The following TMEM131 variants were observed in gnomAD, a reference collection of about 807,000 sequenced individuals.
TMEM131 encodes the protein 2610524E03Rik.
Under a neutral mutation model 211.6 loss-of-function variants are expected in TMEM131, and 66 were observed. The ratio of observed to expected loss-of-function variants is 0.31; its 90% CI spans 0.26 to 0.38. The LOEUF is 0.38. Among genes scored for constraint, TMEM131 ranks in the 10% least tolerant of loss-of-function variants. The probability of loss-of-function intolerance (pLI) is 1.00; values close to 1 mark genes in which losing one functional copy is unlikely to be tolerated. For synonymous variants in TMEM131, 844 were observed against 841.3 expected, an observed-to-expected ratio of 1.00 and a Z score of -0.06; for missense variants, 2,036 against 2,299.3, an observed-to-expected ratio of 0.89 and a Z score of 2.34.
At chr2:97,919,201 A>G (rs1313135805) in intron 2 of TMEM131, among the ~76,000 whole-genome samples, 1 of 152,206 alleles carries the variant, frequency 6.6e-6, no homozygotes, top group Non-Finnish European at 1.5e-5. Flanking sequence ...TTATTGTTCT[A>G]CAAAGTATAC....
intron 31 of TMEM131, among the ~76,000 whole-genome samples, chr2:97,781,178 C>T (rs572814610): frequency 6.6e-6 from 1 of 152,340 alleles, no homozygotes; most frequent in East Asian, 1.9e-4. Flanking sequence ...ACAGCCTAAG[C>T]ACCTAAGGGC....
chr2:97,968,953 C>CG, intron 1 of TMEM131, among the ~76,000 whole-genome samples: 1 of 151,816 alleles, frequency 6.6e-6, no homozygotes, highest in African/African-American at 2.4e-5. Context: ...GGCCTGGAGG[C>CG]GCACCTCTAG....
intron 4 of TMEM131, among the ~76,000 whole-genome samples, chr2:97,884,922 G>A (rs1675079659): frequency 6.6e-6 from 1 of 152,148 alleles, no homozygotes; most frequent in African/African-American, 2.4e-5. Context: ...GTTATTGATA[G>A]GTAAAGACTT....
intron 11 of TMEM131, among the ~76,000 whole-genome samples, chr2:97,820,969 C>T (rs1338522302): frequency 6.6e-6 from 1 of 152,038 alleles, no homozygotes; most frequent in East Asian, 1.9e-4. Context: ...AAATGAGCCA[C>T]TTTATCTTGA....
chr2:97,892,136 A>G (rs1211879140), intron 3 of TMEM131, among the ~76,000 whole-genome samples: 1 of 152,186 alleles, frequency 6.6e-6, no homozygotes, highest in African/African-American at 2.4e-5. Flanking sequence ...AATGATGAAT[A>G]ATGTTGACCA....
At chr2:97,993,582 T>C (rs1233388932) in intron 1 of TMEM131, among the ~76,000 whole-genome samples, 1 of 152,206 alleles carries the variant, frequency 6.6e-6, no homozygotes, top group East Asian at 1.9e-4. Context: ...CATTAATATC[T>C]TGGATAACCG....
In TMEM131 at chr2:97,993,639, C is replaced by A. The variant is rs181271417; in HGVS notation, c.187+1837G>T. Among the ~76,000 whole-genome samples, 165 of 152,326 alleles carry A rather than the reference C, an allele frequency of 1.1e-3. 1 individual carries two copies. Among genetic ancestry groups the A allele is most frequent in the African/African-American group, 3.9e-3 (164 of 41,556 alleles). ...GAAAAGCATGGGCCACAAAGGATAT[C>A]TGATTCACCCAGGCCACTGGCTGAT... On this transcript the variant is annotated intron_variant, in intron 1 of 40. Coordinates refer to ENST00000186436, the MANE Select transcript of TMEM131 (RefSeq NM_015348.2).
At chr2:97,794,871 C>A (rs1000958941) in intron 29 of TMEM131, 59 bp downstream of exon 29, 6 of 1,389,424 alleles carry the variant, frequency 4.3e-6, no homozygotes, top group Non-Finnish European at 5.9e-6. Context: ...ACACAGTGGG[C>A]ACTCGATCAA....
intron 1 of TMEM131, among the ~76,000 whole-genome samples, chr2:97,972,931 A>G (rs1679370381): frequency 6.6e-6 from 1 of 152,216 alleles, no homozygotes; most frequent in African/African-American, 2.4e-5. Flanking sequence ...AAAGAAATAC[A>G]GTCCTACAAA....
In TMEM131 at chr2:97,840,898, C is replaced by T. The variant is rs141802322; in HGVS notation, c.723+917G>A. 7.9e-5 allele frequency among the ~76,000 whole-genome samples: 12 copies of T among 152,252 alleles called. No individual in the cohort carries two copies. In the East Asian group the frequency reaches 2.3e-3, roughly 30 times the overall value. ...TATCATTTCTAAGCATTTCACTATT[C>T]AGGCTCTGAACATTTCCCTGGTTCA... On this transcript the variant is annotated intron_variant, in intron 7 of 40. Transcript: ENST00000186436.
chr2:97,891,843 T>G (rs1017114531), intron 3 of TMEM131, among the ~76,000 whole-genome samples: 3 of 152,108 alleles, frequency 2.0e-5, no homozygotes, highest in African/African-American at 7.2e-5. Context: ...AGAATCTAAT[T>G]CCTTGTAAGC....
chr2:97,808,560 A>ATT (rs1326415395), intron 19 of TMEM131, among the ~76,000 whole-genome samples: 4 of 152,174 alleles, frequency 2.6e-5, no homozygotes, highest in Non-Finnish European at 5.9e-5. Context: ...TCTTTAGGAT[A>ATT]TAAGCACAGT....
rs1365436913 is a variant in TMEM131, at chr2:97,995,559, G to C, written c.104C>G (p.Pro35Arg). The C allele has an allele frequency of 3.0e-6, 4 of 1,320,660 alleles. No homozygotes were observed. Among genetic ancestry groups the C allele is most frequent in the Non-Finnish European group, 2.9e-6 (3 of 1,033,362 alleles). 81.8% of individuals were successfully genotyped at this position (1,320,660 alleles called of 1,614,324 possible). A position where few individuals can be genotyped will look rare whatever the true frequency, so the allele number is the denominator to read the frequency against. Residue 35 changes from proline to arginine, a missense_variant, in exon 1 of 41, where the codon CCG becomes CGG. Transcript: ENST00000186436. Reference protein sequence around the residue: ...LEPAAARSGGPRSAAAGLLGA... With the variant: ...LEPAAARSGGRRSAAAGLLGA... ...TAGGAGGCCGGCGGCCGCGCTCCGC[G>C]GGCCCCCGCTACGGGCGGCCGCAGG...
intron 26 of TMEM131, 56 bp downstream of exon 26, chr2:97,797,309 T>C: frequency 1.4e-6 from 2 of 1,453,060 alleles, no homozygotes; most frequent in African/African-American, 2.8e-5. Flanking sequence ...TTAAAACAAG[T>C]GAGGACTTCT....
intron 1 of TMEM131, among the ~76,000 whole-genome samples, chr2:97,943,447 A>AG (rs1179658761): frequency 6.6e-6 from 1 of 152,228 alleles, no homozygotes. Context: ...ACATATACAA[A>AG]GGATTATACA....
At chr2:97,771,800 TTTAA>T (rs1559348875) in intron 33 of TMEM131, among the ~76,000 whole-genome samples, 1 of 152,258 alleles carries the variant, frequency 6.6e-6, no homozygotes, top group East Asian at 1.9e-4. Context: ...ACTGGAGTTA[TTTAA>T]TGGTAGAACC....
intron 39 of TMEM131, 164 bp from the exon 40 acceptor site, chr2:97,759,217 C>T (rs1186751612): frequency 6.2e-6 from 5 of 802,342 alleles, no homozygotes; most frequent in Non-Finnish European, 7.9e-6. Flanking sequence ...CAGGAGTGTC[C>T]TCCAGAACTC....
intron 35 of TMEM131, among the ~76,000 whole-genome samples, chr2:97,765,835 C>G (rs1679134526): frequency 1.3e-5 from 2 of 151,900 alleles, no homozygotes. Flanking sequence ...TTCCATTTTG[C>G]ACATTGGGCA....
chr2:97,765,025 C>T (rs1679087122), intron 35 of TMEM131: 1 of 152,160 alleles, frequency 6.6e-6, no homozygotes, highest in Admixed American at 6.5e-5. Flanking sequence ...CTGCCTAAAT[C>T]GTGGAGTGTT....
Sources: allele counts gnomAD v4.1 joint callset (sites outside exome capture counted in the v4.1 genomes callset), GRCh38; gene constraint gnomAD v4.1.1; transcripts MANE v1.5; gene names NCBI Gene and HGNC (gene_info 2026-07-23, HGNC 2026-07-21).